POFUT3: variants seen among roughly 807,000 people sequenced by gnomAD.
POFUT3 encodes protein O-fucosyltransferase 3.
chr8:33,430,781 T>C, the POFUT3 span, among the ~76,000 whole-genome samples: 1 of 152,112 alleles, frequency 6.6e-6, no homozygotes, highest in Admixed American at 6.6e-5. Context: ...GCTAATTCTG[T>C]ATTTTTAGTA....
the POFUT3 span, chr8:33,460,761 C>A: frequency 1.0e-6 from 1 of 985,288 alleles, no homozygotes; most frequent in Non-Finnish European, 1.2e-6. Context: ...TTCACTAAAC[C>A]TCAGTTTCAC....
chr8:33,421,341 T>A, the POFUT3 span, among the ~76,000 whole-genome samples: 1 of 152,198 alleles, frequency 6.6e-6, no homozygotes, highest in South Asian at 2.1e-4. Context: ...ATCTTGAATT[T>A]CATAAACTAG....
At chr8:33,461,328 C>G in the POFUT3 span, 1 of 1,559,746 alleles carries the variant, frequency 6.4e-7, no homozygotes. Flanking sequence ...GGGGACATGG[C>G]AAAGGCCCAG....
At chr8:33,355,770 A>G in the POFUT3 span, among the ~76,000 whole-genome samples, 8 of 152,014 alleles carry the variant, frequency 5.3e-5, no homozygotes, top group African/African-American at 1.2e-4. Flanking sequence ...TGCTGCACCC[A>G]TTAACTCGTC....
the POFUT3 span, among the ~76,000 whole-genome samples, chr8:33,441,128 C>T: frequency 1.3e-5 from 2 of 151,910 alleles, no homozygotes; most frequent in African/African-American, 2.4e-5. Context: ...GTCAGGAATT[C>T]GAGACCAGCC....
At chr8:33,422,969 C>T in the POFUT3 span, among the ~76,000 whole-genome samples, 484 of 152,242 alleles carry the variant, frequency 3.2e-3, 1 homozygote, top group Non-Finnish European at 5.5e-3. Flanking sequence ...GCATGCACCA[C>T]CATGCCTGGA....
the POFUT3 span, among the ~76,000 whole-genome samples, chr8:33,434,644 G>C: frequency 6.6e-6 from 1 of 152,152 alleles, no homozygotes; most frequent in Non-Finnish European, 1.5e-5. Flanking sequence ...CAGCCCCTTA[G>C]CAGGGCACCA....
At chr8:33,370,530 A>G in the POFUT3 span, among the ~76,000 whole-genome samples, 1 of 152,210 alleles carries the variant, frequency 6.6e-6, no homozygotes, top group Non-Finnish European at 1.5e-5. Flanking sequence ...AGTGAAAGGT[A>G]TGGCAAAATG....
At chr8:33,437,670 G>A in the POFUT3 span, among the ~76,000 whole-genome samples, 1 of 152,160 alleles carries the variant, frequency 6.6e-6, no homozygotes, top group South Asian at 2.1e-4. Context: ...AATTAGCTGG[G>A]CATTGTGGCG....
the POFUT3 span, among the ~76,000 whole-genome samples, chr8:33,324,398 AC>A: frequency 6.6e-6 from 1 of 152,018 alleles, no homozygotes; most frequent in Non-Finnish European, 1.5e-5. Flanking sequence ...CTCTCCCTGG[AC>A]CCTTTTTTAG....
At chr8:33,360,118 C>G in the POFUT3 span, among the ~76,000 whole-genome samples, 19 of 152,168 alleles carry the variant, frequency 1.2e-4, no homozygotes, top group Non-Finnish European at 2.1e-4. Context: ...CAGAATCCAG[C>G]AAAGTACCTG....
At chr8:33,379,689 T>C in the POFUT3 span, among the ~76,000 whole-genome samples, 18 of 150,678 alleles carry the variant, frequency 1.2e-4, no homozygotes, top group African/African-American at 4.1e-4. Flanking sequence ...TACAAAAATT[T>C]GCCAGGTGTG....
the POFUT3 span, among the ~76,000 whole-genome samples, chr8:33,467,870 G>C: frequency 6.6e-6 from 1 of 152,140 alleles, no homozygotes; most frequent in Admixed American, 6.6e-5. Context: ...TGGAACCAAG[G>C]GGTGATTTCT....
chr8:33,367,212 C>T, the POFUT3 span, among the ~76,000 whole-genome samples: 28 of 152,310 alleles, frequency 1.8e-4, no homozygotes, highest in African/African-American at 4.1e-4. Flanking sequence ...ATAACGCCCA[C>T]GCTGGAAGGT....
chr8:33,318,953 TAC>T, the POFUT3 span, among the ~76,000 whole-genome samples: 78 of 41,750 alleles, frequency 1.9e-3, 1 homozygote, highest in Non-Finnish European at 2.1e-3. Context: ...ATTTATATAA[TAC>T]ATAAATATAT....
the POFUT3 span, among the ~76,000 whole-genome samples, chr8:33,387,171 C>T: frequency 6.6e-5 from 10 of 152,064 alleles, no homozygotes; most frequent in Admixed American, 5.2e-4. Flanking sequence ...AGGAAGCCAT[C>T]AGAAATCAGG....
chr8:33,340,239 C>T, the POFUT3 span, among the ~76,000 whole-genome samples: 1 of 151,936 alleles, frequency 6.6e-6, no homozygotes, highest in Non-Finnish European at 1.5e-5. Flanking sequence ...ATAATGCACA[C>T]ACACACATAT....
chr8:33,427,544 A>G, the POFUT3 span, among the ~76,000 whole-genome samples: 1 of 151,980 alleles, frequency 6.6e-6, no homozygotes, highest in Non-Finnish European at 1.5e-5. Context: ...ACGCCATTGC[A>G]CTCCAGCCTG....
the POFUT3 span, among the ~76,000 whole-genome samples, chr8:33,433,097 G>A: frequency 2.0e-5 from 3 of 151,758 alleles, no homozygotes; most frequent in South Asian, 2.1e-4. Flanking sequence ...AGCCGGGCAC[G>A]GTGGCACACA....
Sources: allele counts gnomAD v4.1 joint callset (sites outside exome capture counted in the v4.1 genomes callset), GRCh38; gene constraint gnomAD v4.1.1; transcripts MANE v1.5; gene names NCBI Gene and HGNC (gene_info 2026-07-23, HGNC 2026-07-21).